The following STOML3 variants were observed in gnomAD, a reference collection of about 807,000 sequenced individuals.
The protein encoded by STOML3 is stomatin like 3.
A neutral mutation model predicts 29.5 loss-of-function variants in STOML3; 31 were observed. The observed-to-expected ratio is 1.05, with a 90% CI of 0.79 to 1.42. The LOEUF (loss-of-function observed/expected upper bound fraction) is 1.42. Among genes scored for constraint, STOML3 ranks in the 40% most tolerant of loss-of-function variants. The pLI, the probability that STOML3 is intolerant of heterozygous loss-of-function variation, is 0.00. For synonymous variants in STOML3, 122 were observed against 139.8 expected (o/e 0.87, Z 0.90); for missense variants, 380 against 363.0 (o/e 1.05, Z -0.38).
chr13:38,968,607 A>G (rs1472291174), intron 5 of STOML3, 73 bp from the exon 6 acceptor site: 1 of 1,545,912 alleles, frequency 6.5e-7, no homozygotes, highest in Admixed American at 1.9e-5. Flanking sequence ...TATGTTTTAT[A>G]CTTTCAAGAT....
chr13:38,987,497 A>G (rs1868629687), intron 1 of STOML3, among the ~76,000 whole-genome samples: 1 of 151,596 alleles, frequency 6.6e-6, no homozygotes, highest in Non-Finnish European at 1.5e-5. Flanking sequence ...ATCTCTAAAA[A>G]TAAAATAAAT....
chr13:38,972,909 C>A, intron 3 of STOML3, among the ~76,000 whole-genome samples: 1 of 151,614 alleles, frequency 6.6e-6, no homozygotes, highest in Middle Eastern at 3.4e-3. Flanking sequence ...ATATTCTGAC[C>A]AATTGTGAAA....
chr13:38,981,592 T>C (rs943225), intron 1 of STOML3, among the ~76,000 whole-genome samples: 11,267 of 152,246 alleles, frequency 0.074, 465 homozygotes, highest in South Asian at 0.13. Context: ...AAATCTGTGT[T>C]ATCATAAATA....
chr13:38,980,957 C>G (rs889952678), intron 1 of STOML3, among the ~76,000 whole-genome samples: 3 of 152,146 alleles, frequency 2.0e-5, no homozygotes, highest in Non-Finnish European at 2.9e-5. Context: ...AGACTTCCCC[C>G]TGTGTGTGGC....
intron 1 of STOML3, among the ~76,000 whole-genome samples, chr13:38,978,519 G>T (rs7992244): frequency 0.65 from 98,515 of 151,816 alleles, 32,109 homozygotes; most frequent in East Asian, 0.81. Flanking sequence ...AACCCCATTC[G>T]CATCCCATGA....
chr13:38,989,282 C>T (rs573620797), intron 1 of STOML3, among the ~76,000 whole-genome samples: 1 of 152,030 alleles, frequency 6.6e-6, no homozygotes, highest in East Asian at 1.9e-4. Context: ...GATGATACAG[C>T]TTCAGTCATG....
intron 1 of STOML3, among the ~76,000 whole-genome samples, chr13:38,982,242 TA>T (rs374604266): frequency 0.035 from 5,232 of 149,478 alleles, 123 homozygotes; most frequent in South Asian, 0.1. Context: ...GCATTTTCTT[TA>T]AAAAAAAAAT....
chr13:38,979,945 C>G (rs1245265493), intron 1 of STOML3: 3 of 1,117,104 alleles, frequency 2.7e-6, no homozygotes, highest in East Asian at 2.6e-5. Context: ...AACAGGACAC[C>G]AGCTGTGCTT....
chr13:38,977,475 A>G (rs930294456), intron 1 of STOML3, among the ~76,000 whole-genome samples: 8 of 152,226 alleles, frequency 5.3e-5, no homozygotes, highest in Non-Finnish European at 1.2e-4. Flanking sequence ...TTAAACAGGT[A>G]TTCTACTTTT....
At chr13:38,983,675 G>A (rs951990052) in intron 1 of STOML3, among the ~76,000 whole-genome samples, 3 of 152,136 alleles carry the variant, frequency 2.0e-5, no homozygotes, top group East Asian at 3.9e-4. Context: ...ATTAGAGCTG[G>A]ATGATGATCT....
intron 1 of STOML3, among the ~76,000 whole-genome samples, chr13:38,986,374 T>A (rs1049830737): frequency 2.6e-5 from 4 of 152,118 alleles, no homozygotes; most frequent in African/African-American, 4.8e-5. Flanking sequence ...AAAATTATCA[T>A]GTCAAGTTTT....
chr13:38,970,666 C>T (rs2042837390), intron 4 of STOML3, among the ~76,000 whole-genome samples: 1 of 152,100 alleles, frequency 6.6e-6, no homozygotes, highest in Admixed American at 6.5e-5. Flanking sequence ...AAGAACAGGC[C>T]CTTCCATTTT....
intron 1 of STOML3, chr13:38,980,272 T>A: frequency 1.3e-6 from 1 of 744,098 alleles, no homozygotes; most frequent in South Asian, 1.8e-5. Context: ...AGTGGGGCTG[T>A]GAGTGCTGCT....
intron 1 of STOML3, among the ~76,000 whole-genome samples, chr13:38,977,800 C>T (rs1273306174): frequency 2.3e-5 from 3 of 131,348 alleles, no homozygotes; most frequent in African/African-American, 8.0e-5. Flanking sequence ...CGCTCTGTCG[C>T]CCAGGCTGGA....
chr13:38,968,655 G>T, intron 5 of STOML3, 121 bp from the exon 6 acceptor site: 1 of 1,194,556 alleles, frequency 8.4e-7, no homozygotes, highest in Non-Finnish European at 1.2e-6. Flanking sequence ...TGCATTTACA[G>T]CATTTGGAGT....
intron 5 of STOML3, among the ~76,000 whole-genome samples, chr13:38,969,584 A>T (rs1197082960): frequency 6.6e-6 from 1 of 152,248 alleles, no homozygotes; most frequent in Non-Finnish European, 1.5e-5. Context: ...ATTGACTTAC[A>T]GAAAGGAAGC....
chr13:38,980,126 A>T, intron 1 of STOML3: 2 of 1,551,560 alleles, frequency 1.3e-6, no homozygotes, highest in Non-Finnish European at 8.7e-7. Flanking sequence ...TCCATTAGGT[A>T]ATAGACGTGC....
chr13:38,968,390 C>A lies in STOML3; in HGVS notation c.651+10G>T. 1 of 1,614,102 alleles carries A rather than the reference C, an allele frequency of 6.2e-7. No homozygotes were observed. Among genetic ancestry groups the A allele is most frequent in the Non-Finnish European group, 8.5e-7 (1 of 1,179,978 alleles). On this transcript the variant is annotated intron_variant, in intron 6 of 6. Coordinates refer to ENST00000379631, the MANE Select transcript of STOML3 (RefSeq NM_145286.3). The stretch of plus-strand genomic sequence containing the variant: ...GTTCTCCCTCCATGTGTGAACTGCA[C>A]AACACTTACCTTGGCTCTCGCTTCC...
intron 4 of STOML3, among the ~76,000 whole-genome samples, chr13:38,970,974 T>C (rs77574687): frequency 0.043 from 6,526 of 152,080 alleles, 466 homozygotes; most frequent in African/African-American, 0.15. Context: ...ATTACAGAGC[T>C]AGAAAAGTCC....
Sources: allele counts gnomAD v4.1 joint callset (sites outside exome capture counted in the v4.1 genomes callset), GRCh38; gene constraint gnomAD v4.1.1; transcripts MANE v1.5; gene names NCBI Gene and HGNC (gene_info 2026-07-23, HGNC 2026-07-21).